Variants in KDM2A observed in about 807,000 individuals in gnomAD.
KDM2A encodes lysine demethylase 2A.
A neutral mutation model predicts 137.3 loss-of-function variants in KDM2A; 3 were observed. The observed-to-expected ratio is 0.02, with a 90% confidence interval of 0.01 to 0.06. The LOEUF (loss-of-function observed/expected upper bound fraction) is 0.06. Among genes scored for constraint, KDM2A ranks in the 10% least tolerant of loss-of-function variants. The probability of loss-of-function intolerance (pLI) is 1.00; values close to 1 mark genes in which losing one functional copy is unlikely to be tolerated. For missense variants in KDM2A, 738 were observed against 1,510.6 expected (o/e 0.49, Z 8.48); for synonymous variants, 512 against 541.5 (o/e 0.95, Z 0.76).
In KDM2A at chr11:67,254,769, A is replaced by G. The variant is rs530564418; in HGVS notation, c.3308-105A>G. Reference sequence around the variant, plus strand: ...TGAGCCAGGTAGTTGTGGGACAAAGAGGGCTTTTGTTTAGCATTTTGAAGG... The same window carrying G: ...TGAGCCAGGTAGTTGTGGGACAAAGGGGGCTTTTGTTTAGCATTTTGAAGG... On this transcript the variant is annotated intron_variant, in intron 20 of 20. Coordinates refer to ENST00000529006, the MANE Select transcript of KDM2A (RefSeq NM_012308.3). This position sits in a 1 kb window ranked among gnomAD's most constrained non-coding sequence, Gnocchi z 4.7. 21 of 1,060,868 alleles carry G rather than the reference A, an allele frequency of 2.0e-5. No homozygotes were observed. The East Asian group carries it at 4.5e-4, about 23-fold the overall frequency. The allele number at this position is 1,060,868 out of a possible 1,614,324, so 65.7% of individuals were successfully genotyped here.
intron 2 of KDM2A, among the ~76,000 whole-genome samples, chr11:67,169,318 TCA>T (rs1229542850): frequency 6.6e-6 from 1 of 151,780 alleles, no homozygotes; most frequent in Non-Finnish European, 1.5e-5. Flanking sequence ...TTAAATCGTA[TCA>T]CAGTGTGAGA....
intron 5 of KDM2A, among the ~76,000 whole-genome samples, chr11:67,188,607 G>A (rs953451067): frequency 6.6e-6 from 1 of 151,734 alleles, no homozygotes; most frequent in Admixed American, 6.6e-5. Flanking sequence ...CCTGGGTAAC[G>A]TGGTGAGACC....
intron 5 of KDM2A, among the ~76,000 whole-genome samples, chr11:67,198,130 G>A (rs772332007): frequency 2.0e-5 from 3 of 152,146 alleles, no homozygotes; most frequent in Non-Finnish European, 4.4e-5. Context: ...AGGAGTGGCA[G>A]GGATGGAAGA....
chr11:67,177,078 C>G (rs1424305579), intron 2 of KDM2A, among the ~76,000 whole-genome samples: 1 of 151,874 alleles, frequency 6.6e-6, no homozygotes, highest in Non-Finnish European at 1.5e-5. Context: ...GCCAACATGG[C>G]GAAACCCTGT....
At chr11:67,124,133 A>G (rs1046108061) in intron 2 of KDM2A, among the ~76,000 whole-genome samples, 9 of 151,046 alleles carry the variant, frequency 6.0e-5, no homozygotes, top group South Asian at 4.2e-4. Context: ...CTTCCTGAGT[A>G]GCTGGGACTA....
chr11:67,189,274 T>G (rs1857286056), intron 5 of KDM2A, among the ~76,000 whole-genome samples: 1 of 152,124 alleles, frequency 6.6e-6, no homozygotes, highest in Non-Finnish European at 1.5e-5. Flanking sequence ...GGTCACAAAA[T>G]TGTGGAATTT....
chr11:67,176,890 T>C (rs566615499), intron 2 of KDM2A, among the ~76,000 whole-genome samples: 2 of 152,282 alleles, frequency 1.3e-5, no homozygotes, highest in Admixed American at 1.3e-4. Flanking sequence ...AGTGAGTAAA[T>C]GCGAGGGCCT....
chr11:67,126,119 G>T lies in KDM2A; in HGVS notation c.42+4761G>T, dbSNP rs564009521. Among the ~76,000 whole-genome samples the T allele has an allele frequency of 4.0e-5, 6 of 151,436 alleles. No individual in the cohort carries two copies. The South Asian group carries it at 1.3e-3, about 32-fold the overall frequency. On this transcript the variant is annotated intron_variant, in intron 2 of 20. Transcript: ENST00000529006. Reference sequence around the variant, plus strand: ...AAATTAGCCGAACGTGGTGACGCATGCCTGTAATCCCAGCTACTCAGGAGG... The same window carrying T: ...AAATTAGCCGAACGTGGTGACGCATTCCTGTAATCCCAGCTACTCAGGAGG...
intron 2 of KDM2A, among the ~76,000 whole-genome samples, chr11:67,138,301 A>G (rs1856015094): frequency 6.6e-6 from 1 of 152,250 alleles, no homozygotes; most frequent in African/African-American, 2.4e-5. Flanking sequence ...CTAAAAATAC[A>G]TAAAATGTAG....
chr11:67,193,221 C>T (rs535601997), intron 5 of KDM2A, among the ~76,000 whole-genome samples: 2 of 152,100 alleles, frequency 1.3e-5, no homozygotes, highest in African/African-American at 4.8e-5. Flanking sequence ...AACTCCTGAC[C>T]TCAGGTGATC....
intron 3 of KDM2A, among the ~76,000 whole-genome samples, chr11:67,181,086 A>C (rs1857083095): frequency 6.6e-6 from 1 of 151,784 alleles, no homozygotes. Context: ...TCCTGTGGAA[A>C]TTTAGACTTG....
chr11:67,255,989 G>A lies in KDM2A; in HGVS notation c.*934G>A. 5.5e-6 allele frequency: 1 copy of A among 183,334 alleles called. No individual in the cohort carries two copies. Among genetic ancestry groups the A allele is most frequent in the Non-Finnish European group, 1.2e-5 (1 of 86,554 alleles). The allele number at this position is 183,334 out of a possible 1,614,324, so 11.4% of individuals were successfully genotyped here. Reference sequence around the variant, plus strand: ...CCAAGCTGGAGGCGGCAGAGGACTGGGCCAAGCCCCAACCTGCCTCCCAGC... The same window carrying A: ...CCAAGCTGGAGGCGGCAGAGGACTGAGCCAAGCCCCAACCTGCCTCCCAGC... On this transcript the variant is annotated 3_prime_UTR_variant, in exon 21 of 21. Coordinates refer to ENST00000529006, the MANE Select transcript of KDM2A (RefSeq NM_012308.3).
At chr11:67,129,690 C>T (rs1300496387) in intron 2 of KDM2A, among the ~76,000 whole-genome samples, 6 of 147,710 alleles carry the variant, frequency 4.1e-5, no homozygotes, top group Non-Finnish European at 7.4e-5. Context: ...GCCCAGATCA[C>T]GCCACTGCAC....
At chr11:67,241,129 G>A (rs541473739) in intron 12 of KDM2A, among the ~76,000 whole-genome samples, 1 of 152,270 alleles carries the variant, frequency 6.6e-6, no homozygotes, top group South Asian at 2.1e-4. Context: ...AGAGGAAATG[G>A]GCAGAGTCCT....
At chr11:67,164,487 G>C (rs553384141) in intron 2 of KDM2A, among the ~76,000 whole-genome samples, 1 of 151,728 alleles carries the variant, frequency 6.6e-6, no homozygotes, top group African/African-American at 2.4e-5. Flanking sequence ...TTTTGTTGTT[G>C]TTGTTTTTTT....
At chr11:67,185,274 T>TAAAA (rs1857176988) in intron 5 of KDM2A, among the ~76,000 whole-genome samples, 10 of 152,240 alleles carry the variant, frequency 6.6e-5, no homozygotes, top group Admixed American at 3.9e-4. Context: ...ACAATGGAGA[T>TAAAA]TATTAAGTCT....
intron 6 of KDM2A, among the ~76,000 whole-genome samples, chr11:67,208,950 T>C (rs900630369): frequency 6.6e-6 from 1 of 151,936 alleles, no homozygotes; most frequent in Non-Finnish European, 1.5e-5. Context: ...TATTTTTTTT[T>C]TGAGGCCGAG....
At position 67,192,433 on chromosome 11, in the gene KDM2A, C is replaced by CTTTTTTTTTTTTTTTTTTTTT. The variant is rs921321640; in HGVS notation, c.307+10549_307+10569dup. On this transcript the variant is annotated intron_variant, in intron 5 of 20. Coordinates refer to ENST00000529006, the MANE Select transcript of KDM2A (RefSeq NM_012308.3). ...ATGGACATTTACTTTGTTTCCATTT[C>CTTTTTTTTTTTTTTTTTTTTT]TTTTTTTTTTTTTTTTTTTTTTTTT... Among the ~76,000 whole-genome samples, 4 of 70,534 alleles carry CTTTTTTTTTTTTTTTTTTTTT rather than the reference C, an allele frequency of 5.7e-5. 1 individual carries two copies. Among genetic ancestry groups the CTTTTTTTTTTTTTTTTTTTTT allele is most frequent in the Non-Finnish European group, 1.1e-4 (4 of 35,250 alleles). 46.3% of individuals were successfully genotyped at this position (70,534 alleles called of 152,430 possible).
intron 2 of KDM2A, among the ~76,000 whole-genome samples, chr11:67,143,881 G>A (rs561189711): frequency 2.6e-5 from 4 of 151,846 alleles, no homozygotes; most frequent in Non-Finnish European, 5.9e-5. Context: ...ATCCGCCTGC[G>A]TCGGCCTCCC....
Sources: gnomAD v4.1 joint callset for allele counts (sites outside exome capture counted in the v4.1 genomes callset) on GRCh38, gnomAD v4.1.1 for gene constraint, Gnocchi (gnomAD v3.1) non-coding constraint, MANE v1.5 for transcripts, NCBI Gene and HGNC (gene_info 2026-07-23, HGNC 2026-07-21) for gene names.